The following TNRC6B variants were observed in gnomAD, a reference collection of about 807,000 sequenced individuals.
The protein encoded by TNRC6B is trinucleotide repeat containing adaptor 6B, also known as trinucleotide repeat-containing gene 6B protein.
TNRC6B carries 52 observed loss-of-function variants against 203.6 expected under a neutral mutation model. That is an observed-to-expected ratio of 0.26 (90% CI 0.20 to 0.32). The LOEUF (loss-of-function observed/expected upper bound fraction) is 0.32. TNRC6B is among the 10% of genes least tolerant of loss of function. The pLI, the probability that TNRC6B is intolerant of heterozygous loss-of-function variation, is 1.00. For synonymous variants in TNRC6B, 838 were observed against 845.7 expected (o/e 0.99, Z 0.16); for missense variants, 1,923 against 2,286.2 (o/e 0.84, Z 3.24).
At chr22:40,163,846 T>C (rs1285872998) in intron 4 of TNRC6B, among the ~76,000 whole-genome samples, 1 of 152,020 alleles carries the variant, frequency 6.6e-6, no homozygotes, top group Non-Finnish European at 1.5e-5. Context: ...TTTTATTTAA[T>C]TTTATAAATA....
At chr22:40,191,949 C>T (rs533590428) in intron 1 of TNRC6B, among the ~76,000 whole-genome samples, 2 of 152,280 alleles carry the variant, frequency 1.3e-5, no homozygotes, top group Admixed American at 1.3e-4. Context: ...CGGGGTTTCG[C>T]CATGTTGGCC....
chr22:40,207,581 A>G (rs1273177022), intron 1 of TNRC6B, among the ~76,000 whole-genome samples: 2 of 151,904 alleles, frequency 1.3e-5, no homozygotes, highest in Non-Finnish European at 2.9e-5. Flanking sequence ...AGTACCTGTG[A>G]TCAACAGAGG....
intron 12 of TNRC6B, among the ~76,000 whole-genome samples, chr22:40,287,710 A>G (rs183690993): frequency 4.7e-4 from 72 of 152,350 alleles, no homozygotes; most frequent in Admixed American, 2.2e-3. Context: ...ATCCATGGTT[A>G]TCAAATATCT....
chr22:40,118,345 A>G (rs972585144), intron 2 of TNRC6B, among the ~76,000 whole-genome samples: 1 of 152,196 alleles, frequency 6.6e-6, no homozygotes, highest in Non-Finnish European at 1.5e-5. Flanking sequence ...TTCTACACAC[A>G]TTGTTTAATT....
chr22:40,137,840 C>T (rs182487736), intron 3 of TNRC6B, among the ~76,000 whole-genome samples: 4 of 151,938 alleles, frequency 2.6e-5, no homozygotes, highest in East Asian at 1.9e-4. Context: ...AAAAATTAGC[C>T]GGGCATGGTG....
chr22:40,236,411 G>A (rs2069948376), intron 1 of TNRC6B, among the ~76,000 whole-genome samples: 1 of 152,206 alleles, frequency 6.6e-6, no homozygotes, highest in Non-Finnish European at 1.5e-5. Context: ...CCAAGTTGGT[G>A]TATTATTAAT....
chr22:40,218,401 T>C (rs1367722271), intron 1 of TNRC6B, among the ~76,000 whole-genome samples: 2 of 147,668 alleles, frequency 1.4e-5, no homozygotes, highest in Non-Finnish European at 3.0e-5. Flanking sequence ...ATCGTGGCTC[T>C]CTGCAGCCTC....
chr22:40,196,862 TA>T (rs1569016625), intron 1 of TNRC6B, among the ~76,000 whole-genome samples: 1 of 152,076 alleles, frequency 6.6e-6, no homozygotes, highest in Non-Finnish European at 1.5e-5. Context: ...ACTGATTCAT[TA>T]AGTGCCTATT....
intron 1 of TNRC6B, among the ~76,000 whole-genome samples, chr22:40,227,079 ATT>A (rs1324388223): frequency 1.2e-4 from 1 of 8,614 alleles, no homozygotes; most frequent in African/African-American, 4.1e-4. Flanking sequence ...CCAGCTAATT[ATT>A]ATTATTATTA....
upstream of TNRC6B, among the ~76,000 whole-genome samples, chr22:40,174,812 G>A (rs1312935220): frequency 1.9e-4 from 28 of 144,758 alleles, 1 homozygote; most frequent in Admixed American, 1.3e-3. Context: ...GCGACAAAGC[G>A]AGACTCCATC....
intron 1 of TNRC6B, among the ~76,000 whole-genome samples, chr22:40,187,319 G>C (rs1463473636): frequency 6.6e-6 from 1 of 152,182 alleles, no homozygotes; most frequent in Non-Finnish European, 1.5e-5. Flanking sequence ...GGAATTTTTA[G>C]AATTTAGAAG....
At chr22:40,277,892 C>G in intron 8 of TNRC6B, 107 bp from the exon 9 acceptor site, 1 of 800,752 alleles carries the variant, frequency 1.2e-6, no homozygotes, top group Non-Finnish European at 2.1e-6. Context: ...TTCAGAGAAC[C>G]TTCTATGGTG....
chr22:40,262,505 G>A (rs976365567), intron 4 of TNRC6B, among the ~76,000 whole-genome samples: 3 of 149,036 alleles, frequency 2.0e-5, no homozygotes, highest in African/African-American at 4.9e-5. Context: ...ATTGGACATG[G>A]GGCTTGTGCG....
intron 12 of TNRC6B, among the ~76,000 whole-genome samples, chr22:40,297,449 AATAG>A (rs1450495138): frequency 6.6e-6 from 1 of 152,222 alleles, no homozygotes; most frequent in African/African-American, 2.4e-5. Flanking sequence ...TCATTCATTT[AATAG>A]ATATTTATGG....
chr22:40,271,504 C>T (rs954202217), intron 6 of TNRC6B, among the ~76,000 whole-genome samples: 2 of 152,112 alleles, frequency 1.3e-5, no homozygotes, highest in East Asian at 1.9e-4. Context: ...TGAATCTCCT[C>T]GACCTCATTA....
At chr22:40,301,433 T>G in intron 15 of TNRC6B, 100 bp downstream of exon 15, 197 of 1,158,860 alleles carry the variant, frequency 1.7e-4, no homozygotes, top group Non-Finnish European at 2.2e-4. Context: ...ATGTCAGCTG[T>G]ACAAGGTAGG....
intron 1 of TNRC6B, among the ~76,000 whole-genome samples, chr22:40,107,438 A>G (rs2074255916): frequency 6.6e-6 from 1 of 152,184 alleles, no homozygotes; most frequent in African/African-American, 2.4e-5. Context: ...TGTCTTTTAA[A>G]GTTTCAGTTT....
intron 1 of TNRC6B, among the ~76,000 whole-genome samples, chr22:40,098,443 G>GGT (rs1184440169): frequency 6.8e-6 from 1 of 147,950 alleles, no homozygotes; most frequent in Non-Finnish European, 1.5e-5. Flanking sequence ...GCATATTTCA[G>GGT]GTTTTGGCAG....
intron 1 of TNRC6B, among the ~76,000 whole-genome samples, chr22:40,225,609 G>A (rs774218046): frequency 1.9e-4 from 29 of 152,156 alleles, no homozygotes; most frequent in Non-Finnish European, 3.4e-4. Flanking sequence ...CAGGTGTGGC[G>A]GCGTGTGCCT....
Sources: gnomAD v4.1 joint callset for allele counts (sites outside exome capture counted in the v4.1 genomes callset) on GRCh38, gnomAD v4.1.1 for gene constraint, MANE v1.5 for transcripts, NCBI Gene and HGNC (gene_info 2026-07-23, HGNC 2026-07-21) for gene names.